Variants in GRHL1 observed in about 807,000 individuals in gnomAD.
The protein encoded by GRHL1 is grainyhead like transcription factor 1.
GRHL1 carries 38 observed loss-of-function variants against 75.7 expected under a neutral mutation model. The ratio of observed to expected loss-of-function variants is 0.50; its 90% CI spans 0.39 to 0.66. The LOEUF (loss-of-function observed/expected upper bound fraction) is 0.66, where lower values mean the gene tolerates loss of function less well. Ranked by LOEUF, GRHL1 falls within the 30% of genes least tolerant of loss-of-function variation. The pLI is 0.00. For synonymous variants in GRHL1, 266 were observed against 279.4 expected, an observed-to-expected ratio of 0.95 and a Z score of 0.48; for missense variants, 589 against 767.5, an observed-to-expected ratio of 0.77 and a Z score of 2.75.
chr2:9,997,755 G>A (rs1668932964), intron 14 of GRHL1, among the ~76,000 whole-genome samples: 1 of 151,784 alleles, frequency 6.6e-6, no homozygotes, highest in Non-Finnish European at 1.5e-5. Context: ...CCAGGGAGGT[G>A]GAGGTTGTAG....
At chr2:9,957,125 T>C (rs1667063148) in intron 2 of GRHL1, among the ~76,000 whole-genome samples, 1 of 151,738 alleles carries the variant, frequency 6.6e-6, no homozygotes, top group East Asian at 1.9e-4. Flanking sequence ...CTCAGCTTCC[T>C]GAGTAACTAG....
At chr2:9,995,749 A>G (rs1008575225) in intron 12 of GRHL1, 130 bp from the exon 13 acceptor site, 6 of 648,512 alleles carry the variant, frequency 9.3e-6, no homozygotes, top group Non-Finnish European at 1.6e-5. Context: ...TCATCCACAA[A>G]TAAGGAAGCT....
rs768422872 is a variant in GRHL1 at position 9,963,901 on chromosome 2, T to C, written c.762T>C (p.Tyr254=). ...FDSVSGNNFE[Y]TLEASKSLRQ... is the part of the protein sequence containing the mutation. ...TGTCCTTTAGGAACAACTTTGAATA[T>C]ACCCTAGAAGCTTCAAAATCACTTC... Residue 254 remains tyrosine, a synonymous_variant, in exon 6 of 16, where the codon TAT becomes TAC. Coordinates refer to ENST00000324907, the MANE Select transcript of GRHL1 (RefSeq NM_198182.3). 6.2e-7 allele frequency: 1 copy of C among 1,611,982 alleles called. No homozygotes were observed. Among genetic ancestry groups the C allele is most frequent in the Non-Finnish European group, 8.5e-7 (1 of 1,179,290 alleles).
At chr2:9,985,215 C>CTT (rs1159071530) in intron 8 of GRHL1, among the ~76,000 whole-genome samples, 1 of 152,124 alleles carries the variant, frequency 6.6e-6, no homozygotes, top group Non-Finnish European at 1.5e-5. Context: ...AGAACTGTTG[C>CTT]TTAAGGAATT....
At chr2:9,958,973 G>T in intron 3 of GRHL1, 117 bp downstream of exon 3, 1 of 1,419,086 alleles carries the variant, frequency 7.0e-7, no homozygotes, top group Non-Finnish European at 9.4e-7. Flanking sequence ...AGGTAAGTTG[G>T]ACTCTTACTA....
chr2:9,998,582 GTACATATATATGTACACATATATATA>G (rs1553306971), intron 14 of GRHL1, among the ~76,000 whole-genome samples: 1 of 39,248 alleles, frequency 2.5e-5, no homozygotes, highest in Non-Finnish European at 4.6e-5. Context: ...ATATACATAT[GTACATATATATGTACACATATATATA>G]TACATATATA....
At chr2:9,985,528 A>G (rs1372894595) in intron 8 of GRHL1, among the ~76,000 whole-genome samples, 6 of 152,238 alleles carry the variant, frequency 3.9e-5, no homozygotes, top group Non-Finnish European at 8.8e-5. Context: ...ACTGGGCCCA[A>G]TGTGATTTGA....
At chr2:9,999,431 C>T (rs970789154) in intron 15 of GRHL1, among the ~76,000 whole-genome samples, 11 of 152,246 alleles carry the variant, frequency 7.2e-5, no homozygotes, top group African/African-American at 1.9e-4. Flanking sequence ...GCAGCACCTC[C>T]GTGTGTCGAG....
At chr2:9,961,722 T>G (rs780528847) in intron 4 of GRHL1, among the ~76,000 whole-genome samples, 5 of 152,194 alleles carry the variant, frequency 3.3e-5, no homozygotes, top group Non-Finnish European at 7.3e-5. Flanking sequence ...TACATAATCT[T>G]CTGTTGACCA....
At chr2:9,971,312 A>G (rs1317705636) in intron 8 of GRHL1, among the ~76,000 whole-genome samples, 2 of 152,164 alleles carry the variant, frequency 1.3e-5, no homozygotes, top group African/African-American at 2.4e-5. Context: ...TTAAATTTCC[A>G]GTGTGATGGG....
At chr2:9,969,485 T>G (rs923123048) in intron 8 of GRHL1, among the ~76,000 whole-genome samples, 1 of 152,276 alleles carries the variant, frequency 6.6e-6, no homozygotes, top group Non-Finnish European at 1.5e-5. Flanking sequence ...GTATTACTAT[T>G]AATAGAGCAA....
chr2:9,969,706 G>C (rs1011655630), intron 8 of GRHL1, among the ~76,000 whole-genome samples: 1 of 152,200 alleles, frequency 6.6e-6, no homozygotes, highest in Admixed American at 6.5e-5. Flanking sequence ...GGGGATGTCT[G>C]GGGGTGGTGT....
intron 2 of GRHL1, among the ~76,000 whole-genome samples, chr2:9,958,174 CTT>C (rs61051898): frequency 2.7e-4 from 35 of 130,658 alleles, no homozygotes; most frequent in Admixed American, 3.1e-4. Flanking sequence ...TTCTTTTTTT[CTT>C]TTTTTTTTTT....
At chr2:9,965,164 A>G in intron 7 of GRHL1, 123 bp from the exon 8 acceptor site, 1 of 567,712 alleles carries the variant, frequency 1.8e-6, no homozygotes, top group Admixed American at 2.8e-5. Context: ...ATCGAACAAA[A>G]TGTTAATTTA....
chr2:9,985,380 C>T (rs902122609), intron 8 of GRHL1, among the ~76,000 whole-genome samples: 12 of 152,274 alleles, frequency 7.9e-5, no homozygotes, highest in Admixed American at 2.6e-4. Context: ...TATTAACAAA[C>T]GTTACCACTT....
chr2:9,977,522 A>G (rs1667997755), intron 8 of GRHL1, among the ~76,000 whole-genome samples: 1 of 152,188 alleles, frequency 6.6e-6, no homozygotes. Flanking sequence ...GGGTTTCACC[A>G]TGTTGGCCAG....
At chr2:9,958,419 A>G (rs916683575) in intron 2 of GRHL1, among the ~76,000 whole-genome samples, 9 of 152,056 alleles carry the variant, frequency 5.9e-5, no homozygotes, top group African/African-American at 1.4e-4. Flanking sequence ...GGCTCAAACA[A>G]TCCTCCCACC....
At chr2:9,991,806 C>T (rs1572385759) in intron 10 of GRHL1, among the ~76,000 whole-genome samples, 1 of 152,308 alleles carries the variant, frequency 6.6e-6, no homozygotes, top group Admixed American at 6.5e-5. Context: ...ATAAGACATT[C>T]AGTTGATTTT....
At chr2:9,969,566 T>C (rs1364957949) in intron 8 of GRHL1, among the ~76,000 whole-genome samples, 3 of 152,252 alleles carry the variant, frequency 2.0e-5, no homozygotes, top group Non-Finnish European at 4.4e-5. Context: ...GATTATATTA[T>C]AACGTTTGAG....
Sources: allele counts gnomAD v4.1 joint callset (sites outside exome capture counted in the v4.1 genomes callset), GRCh38; gene constraint gnomAD v4.1.1; transcripts MANE v1.5; gene names NCBI Gene and HGNC (gene_info 2026-07-23, HGNC 2026-07-21).